ANO6: variants seen among roughly 807,000 people sequenced by gnomAD.
ANO6 encodes anoctamin-6.
A neutral mutation model predicts 117.5 loss-of-function variants in ANO6; 106 were observed. The observed-to-expected ratio is 0.90, with a 90% CI of 0.77 to 1.06. The LOEUF is 1.06. Among genes scored for constraint, ANO6 ranks in the 50% least tolerant of loss-of-function variants. The pLI, the probability that ANO6 is intolerant of heterozygous loss-of-function variation, is 0.00. For synonymous variants in ANO6, 367 were observed against 385.1 expected (o/e 0.95, Z 0.55); for missense variants, 955 against 1,121.1 (o/e 0.85, Z 2.12).
chr12:45,248,189 G>A lies in ANO6; in HGVS notation c.70+31798G>A, dbSNP rs144424698. Among the ~76,000 whole-genome samples, 37 of 152,210 alleles carry A rather than the reference G, an allele frequency of 2.4e-4. No individual in the cohort carries two copies. In the East Asian group the frequency reaches 6.8e-3, roughly 28 times the overall value. Reference sequence around the variant, plus strand: ...TGTAACAGTAATAGCTTCATTTTGTGTAGCTGTAACACTTTACAGTTAACA... The same window carrying A: ...TGTAACAGTAATAGCTTCATTTTGTATAGCTGTAACACTTTACAGTTAACA... On this transcript the variant is annotated intron_variant, in intron 1 of 19. Transcript: ENST00000320560.
At chr12:45,238,151 C>CTT (rs71437709) in intron 1 of ANO6, among the ~76,000 whole-genome samples, 2,531 of 130,840 alleles carry the variant, frequency 0.019, 109 homozygotes, top group African/African-American at 0.067. Context: ...TTTTCTTTTT[C>CTT]TTTTTTTTTT....
intron 1 of ANO6, among the ~76,000 whole-genome samples, chr12:45,284,411 C>T (rs535120856): frequency 6.6e-6 from 1 of 152,314 alleles, no homozygotes; most frequent in Non-Finnish European, 1.5e-5. Flanking sequence ...GGCTTCTAAA[C>T]TCATCTTCTA....
intron 2 of ANO6, among the ~76,000 whole-genome samples, chr12:45,321,133 A>G (rs542052179): frequency 2.6e-5 from 4 of 152,270 alleles, no homozygotes; most frequent in East Asian, 3.9e-4. Context: ...AAAAGTTGCA[A>G]TATATTGTTT....
chr12:45,318,899 C>T (rs993303690), intron 2 of ANO6, among the ~76,000 whole-genome samples: 4 of 152,140 alleles, frequency 2.6e-5, no homozygotes, highest in Non-Finnish European at 5.9e-5. Context: ...TGGGAGTTCA[C>T]TCATGATTTG....
chr12:45,276,683 T>G (rs924850280), intron 1 of ANO6, among the ~76,000 whole-genome samples: 1 of 152,316 alleles, frequency 6.6e-6, no homozygotes, highest in South Asian at 2.1e-4. Context: ...GTACTTATAT[T>G]TAGTTTTTAT....
chr12:45,245,420 A>AT (rs397965166), intron 1 of ANO6, among the ~76,000 whole-genome samples: 2,474 of 132,308 alleles, frequency 0.019, 57 homozygotes, highest in African/African-American at 0.049. Flanking sequence ...CAAAAAACTG[A>AT]TTTTTTTTTT....
chr12:45,386,016 C>A (rs1268235907), intron 10 of ANO6, among the ~76,000 whole-genome samples: 3 of 152,182 alleles, frequency 2.0e-5, no homozygotes, highest in Non-Finnish European at 4.4e-5. Context: ...TCTTCACTCT[C>A]TACTTCAGTG....
At chr12:45,249,784 C>G (rs747747485) in intron 1 of ANO6, among the ~76,000 whole-genome samples, 2 of 152,250 alleles carry the variant, frequency 1.3e-5, no homozygotes, top group African/African-American at 2.4e-5. Context: ...TAGTTACTTA[C>G]AGTGCGCTAG....
intron 1 of ANO6, among the ~76,000 whole-genome samples, chr12:45,225,536 T>C (rs1947469025): frequency 6.6e-6 from 1 of 152,066 alleles, no homozygotes. Context: ...TTTCCTAGGC[T>C]GGAGTGCAGT....
At chr12:45,311,948 T>C (rs926312946) in intron 2 of ANO6, among the ~76,000 whole-genome samples, 3 of 152,064 alleles carry the variant, frequency 2.0e-5, no homozygotes, top group African/African-American at 7.2e-5. Context: ...ATTTAACATA[T>C]TATTAGCAGC....
chr12:45,239,129 T>C (rs1007995738), intron 1 of ANO6, among the ~76,000 whole-genome samples: 1 of 152,216 alleles, frequency 6.6e-6, no homozygotes, highest in Non-Finnish European at 1.5e-5. Flanking sequence ...CCAGCTCCTC[T>C]TTATACTTCT....
At chr12:45,230,341 G>A (rs1259169156) in intron 1 of ANO6, among the ~76,000 whole-genome samples, 1 of 151,636 alleles carries the variant, frequency 6.6e-6, no homozygotes, top group Non-Finnish European at 1.5e-5. Flanking sequence ...ATAACTTTGG[G>A]GCCTTGGTTT....
chr12:45,347,364 T>C lies in ANO6; in HGVS notation c.345+277T>C, dbSNP rs537089502. On this transcript the variant is annotated intron_variant, in intron 4 of 19. Coordinates refer to ENST00000320560, the MANE Select transcript of ANO6 (RefSeq NM_001025356.3). ...AAGAAACTTCTAAAAGCTTTTTTGT[T>C]ATACAAAAAATAGTTTATGGTAAAA... is the stretch of plus-strand genomic sequence containing the variant. 4 of 416,940 alleles carry C rather than the reference T, an allele frequency of 9.6e-6. No individual in the cohort carries two copies. The East Asian group carries it at 1.5e-4, about 15-fold the overall frequency. The allele number at this position is 416,940 out of a possible 1,614,324, so 25.8% of individuals were successfully genotyped here. A position where few individuals can be genotyped will look rare whatever the true frequency, so the allele number is the denominator to read the frequency against.
At chr12:45,289,897 A>T (rs1939039884) in intron 1 of ANO6, among the ~76,000 whole-genome samples, 1 of 152,224 alleles carries the variant, frequency 6.6e-6, no homozygotes, top group African/African-American at 2.4e-5. Flanking sequence ...TAGTTATTAC[A>T]GGCTCACAAT....
chr12:45,288,334 C>T (rs1314410499), intron 1 of ANO6, among the ~76,000 whole-genome samples: 1 of 152,214 alleles, frequency 6.6e-6, no homozygotes. Flanking sequence ...TCACCACCAT[C>T]CATCTCCAGA....
intron 18 of ANO6, among the ~76,000 whole-genome samples, chr12:45,421,920 TAG>T (rs1394427877): frequency 6.6e-6 from 1 of 152,216 alleles, no homozygotes; most frequent in Non-Finnish European, 1.5e-5. Context: ...TCCTGGACCA[TAG>T]AGTTTTACCT....
intron 16 of ANO6, among the ~76,000 whole-genome samples, chr12:45,409,793 T>C (rs1468058819): frequency 6.6e-6 from 1 of 152,214 alleles, no homozygotes; most frequent in Non-Finnish European, 1.5e-5. Flanking sequence ...TCTCACTCTG[T>C]AGCCCAGGCT....
chr12:45,439,974 G>T, exon 20 of ANO6: 1 of 1,450,832 alleles, frequency 6.9e-7, no homozygotes. Context: ...ATATTTGTGT[G>T]TCTATTATGT....
intron 1 of ANO6, among the ~76,000 whole-genome samples, chr12:45,289,170 CTT>C (rs11410863): frequency 2.9e-5 from 4 of 135,690 alleles, no homozygotes; most frequent in Admixed American, 7.5e-5. Flanking sequence ...ATTATTATTA[CTT>C]TTTTTTTTTT....
Sources: gnomAD v4.1 joint callset for allele counts (sites outside exome capture counted in the v4.1 genomes callset) on GRCh38, gnomAD v4.1.1 for gene constraint, MANE v1.5 for transcripts, NCBI Gene and HGNC (gene_info 2026-07-23, HGNC 2026-07-21) for gene names.